PSMD14: variants seen among roughly 807,000 people sequenced by gnomAD.
PSMD14 encodes the protein proteasome 26S subunit, non-ATPase 14, also known as ubiquitin C-terminal hydrolase PSMD14.
PSMD14 carries 7 observed loss-of-function variants against 41.2 expected under a neutral mutation model. The observed-to-expected ratio is 0.17, with a 90% CI of 0.10 to 0.32. The LOEUF is 0.32. Among genes scored for constraint, PSMD14 ranks in the 10% least tolerant of loss-of-function variants. The pLI, the probability that PSMD14 is intolerant of heterozygous loss-of-function variation, is 1.00. For missense variants in PSMD14, 139 were observed against 375.6 expected (o/e 0.37, Z 5.21); for synonymous variants, 114 against 122.3 (o/e 0.93, Z 0.45).
At chr2:161,408,797 T>A (rs1448916736) in intron 10 of PSMD14, 40 bp from the exon 11 acceptor site, 1 of 1,494,404 alleles carries the variant, frequency 6.7e-7, no homozygotes, top group East Asian at 2.3e-5. Flanking sequence ...GAATAGAGGA[T>A]TTATAATTTT....
intron 10 of PSMD14, among the ~76,000 whole-genome samples, chr2:161,406,460 T>C (rs1160446643): frequency 4.6e-5 from 7 of 152,168 alleles, no homozygotes; most frequent in Admixed American, 6.5e-5. Context: ...AGTTCCCTAG[T>C]GAGGACACTG....
At chr2:161,406,012 C>CA (rs1246618678) in intron 10 of PSMD14, among the ~76,000 whole-genome samples, 4 of 152,030 alleles carry the variant, frequency 2.6e-5, no homozygotes, top group African/African-American at 9.7e-5. Flanking sequence ...ACAAAAACAA[C>CA]AAAAAATCCA....
intron 10 of PSMD14, among the ~76,000 whole-genome samples, chr2:161,401,074 C>T (rs945843909): frequency 1.3e-5 from 2 of 152,200 alleles, no homozygotes; most frequent in African/African-American, 2.4e-5. Context: ...CTGTTGCCTG[C>T]CATTTCAGAC....
chr2:161,356,520 G>A (rs1179930746), intron 3 of PSMD14, among the ~76,000 whole-genome samples: 1 of 151,784 alleles, frequency 6.6e-6, no homozygotes, highest in Non-Finnish European at 1.5e-5. Flanking sequence ...TTTGTTGAGG[G>A]TTATATTAGA....
At chr2:161,391,787 C>T (rs575489529) in intron 9 of PSMD14, among the ~76,000 whole-genome samples, 17 of 151,982 alleles carry the variant, frequency 1.1e-4, no homozygotes, top group African/African-American at 2.7e-4. Context: ...GAGGTAGAAA[C>T]GGAGTCTTGC....
intron 8 of PSMD14, among the ~76,000 whole-genome samples, chr2:161,386,126 T>G (rs1245555859): frequency 1.3e-5 from 2 of 151,916 alleles, no homozygotes; most frequent in African/African-American, 4.8e-5. Flanking sequence ...TAATTGCAGT[T>G]ACTGGTATTC....
At chr2:161,373,282 GTTA>G (rs976892699) in intron 7 of PSMD14, among the ~76,000 whole-genome samples, 9 of 151,908 alleles carry the variant, frequency 5.9e-5, no homozygotes, top group African/African-American at 2.2e-4. Flanking sequence ...ACTTTTGTAT[GTTA>G]GGAAGAAATC....
chr2:161,389,889 G>GTTTTTTTTTT (rs1162637393), intron 8 of PSMD14, among the ~76,000 whole-genome samples: 8 of 20,044 alleles, frequency 4.0e-4, no homozygotes, highest in African/African-American at 7.6e-4. Context: ...CTTTTTTGTT[G>GTTTTTTTTTT]TTTTTTTTTT....
intron 7 of PSMD14, among the ~76,000 whole-genome samples, chr2:161,375,409 A>G (rs369681066): frequency 2.0e-5 from 3 of 152,054 alleles, no homozygotes; most frequent in East Asian, 3.9e-4. Flanking sequence ...GCCAGTATAC[A>G]ATAAAGTATT....
chr2:161,326,050 T>G (rs1033958523), intron 3 of PSMD14, among the ~76,000 whole-genome samples: 1 of 152,302 alleles, frequency 6.6e-6, no homozygotes, highest in East Asian at 1.9e-4. Flanking sequence ...ATTTTTTTTG[T>G]TTTTTAAGAT....
At chr2:161,367,367 A>G (rs1683373763) in intron 3 of PSMD14, 111 bp from the exon 4 acceptor site, 1 of 797,768 alleles carries the variant, frequency 1.3e-6, no homozygotes, top group Non-Finnish European at 2.0e-6. Flanking sequence ...GATACTTGAC[A>G]TGTTTTGCAA....
chr2:161,310,932 A>G (rs1467460892), intron 1 of PSMD14, among the ~76,000 whole-genome samples: 1 of 152,176 alleles, frequency 6.6e-6, no homozygotes, highest in Non-Finnish European at 1.5e-5. Flanking sequence ...CATGCCACTA[A>G]ATTTCTTGAG....
chr2:161,340,698 G>A (rs1312793393), intron 3 of PSMD14: 1 of 1,537,716 alleles, frequency 6.5e-7, no homozygotes, highest in East Asian at 2.4e-5. Context: ...GATTTATGGA[G>A]GCAGCATGCA....
chr2:161,380,988 G>A (rs959028639), intron 7 of PSMD14, among the ~76,000 whole-genome samples: 1 of 151,904 alleles, frequency 6.6e-6, no homozygotes, highest in African/African-American at 2.4e-5. Flanking sequence ...TTGGATATGG[G>A]TTAAGTGTTG....
At chr2:161,309,227 C>T (rs974928825) in intron 1 of PSMD14, among the ~76,000 whole-genome samples, 4 of 152,190 alleles carry the variant, frequency 2.6e-5, no homozygotes, top group African/African-American at 9.7e-5. Context: ...AAGTAGAAAT[C>T]TGCTACCGTA....
Position 161,408,840 on chromosome 2 carries a change from G to T in PSMD14, c.775G>T (p.Val259Leu). ...GTCCTTTGTGTTTCATTCACAGGCT[G>T]TAGAAGAAGAAGATAAGATGACACC... ...LELAKNYNKA[V>L]EEEDKMTPEQ... The change falls in exon 11 of 12, where the codon GTA becomes TTA. Residue 259 changes from valine to leucine, a missense_variant. Transcript: ENST00000409682. 2 of 1,602,162 alleles carry T rather than the reference G, an allele frequency of 1.2e-6. No homozygotes were observed. The highest frequency in any genetic ancestry group is 1.7e-6 in the Non-Finnish European group (2 of 1,170,784).
intron 3 of PSMD14, among the ~76,000 whole-genome samples, chr2:161,330,648 G>C (rs1235614951): frequency 6.6e-6 from 1 of 152,120 alleles, no homozygotes; most frequent in African/African-American, 2.4e-5. Context: ...GTGGGATGTT[G>C]TCTGGGTTGA....
At chr2:161,391,210 A>G in intron 9 of PSMD14, 32 bp downstream of exon 9, 1 of 1,484,270 alleles carries the variant, frequency 6.7e-7, no homozygotes. Flanking sequence ...ATAGGAGGAA[A>G]AAAATCTTTT....
intron 8 of PSMD14, among the ~76,000 whole-genome samples, chr2:161,390,394 A>G (rs939274790): frequency 1.3e-5 from 2 of 152,134 alleles, no homozygotes; most frequent in African/African-American, 4.8e-5. Context: ...TCATTTGAAC[A>G]CTTGATGTTG....
Sources: allele counts gnomAD v4.1 joint callset (sites outside exome capture counted in the v4.1 genomes callset), GRCh38; gene constraint gnomAD v4.1.1; transcripts MANE v1.5; gene names NCBI Gene and HGNC (gene_info 2026-07-23, HGNC 2026-07-21).